The following EXTL3 variants were observed in gnomAD, a reference collection of about 807,000 sequenced individuals.
The protein encoded by EXTL3 is exostosin-like 3.
In EXTL3, 27 loss-of-function variants were observed where a neutral mutation model predicts 69.3. The observed-to-expected ratio is 0.39, with a 90% CI of 0.29 to 0.54. The LOEUF is 0.54. Among genes scored for constraint, EXTL3 ranks in the 20% least tolerant of loss-of-function variants. The pLI, the probability that EXTL3 is intolerant of heterozygous loss-of-function variation, is 0.69. For synonymous variants in EXTL3, 511 were observed against 499.4 expected, an observed-to-expected ratio of 1.02 and a Z score of -0.31; for missense variants, 1,003 against 1,231.8, an observed-to-expected ratio of 0.81 and a Z score of 2.78.
intron 3 of EXTL3, among the ~76,000 whole-genome samples, chr8:28,719,007 A>C (rs1801231864): frequency 6.6e-6 from 1 of 152,186 alleles, no homozygotes; most frequent in Non-Finnish European, 1.5e-5. Flanking sequence ...ATCTCTCTTA[A>C]ATGTGCAGCC....
At chr8:28,669,587 C>G (rs1291905062) in intron 1 of EXTL3, among the ~76,000 whole-genome samples, 1 of 152,202 alleles carries the variant, frequency 6.6e-6, no homozygotes, top group Non-Finnish European at 1.5e-5. Flanking sequence ...GCAGAAAGCC[C>G]TGTCATTTTT....
chr8:28,712,177 A>G (rs927217014), intron 1 of EXTL3, among the ~76,000 whole-genome samples: 2 of 152,218 alleles, frequency 1.3e-5, no homozygotes, highest in Non-Finnish European at 1.5e-5. Context: ...GCCAGGCAGA[A>G]GCCTGGGGAA....
At position 28,718,583 on chromosome 8, in the gene EXTL3, T is replaced by TA. The variant is rs561100255; in HGVS notation, c.2148+377dup. Among the ~76,000 whole-genome samples the TA allele has an allele frequency of 1.1e-4, 16 of 152,358 alleles. No individual in the cohort carries two copies. In the South Asian group the frequency reaches 3.3e-3, roughly 32 times the overall value. On this transcript the variant is annotated intron_variant, in intron 3 of 6. Coordinates refer to ENST00000220562, the MANE Select transcript of EXTL3 (RefSeq NM_001440.4). Reference sequence around the variant, plus strand: ...GCACTATAATAAGCATTTTGTGACATATTATCGCTGTTTCTTCAGCTTATT... The same window carrying TA: ...GCACTATAATAAGCATTTTGTGACATAATTATCGCTGTTTCTTCAGCTTATT...
At chr8:28,704,016 A>C (rs1385297061) in intron 1 of EXTL3, among the ~76,000 whole-genome samples, 1 of 152,148 alleles carries the variant, frequency 6.6e-6, no homozygotes, top group African/African-American at 2.4e-5. Context: ...GCTCACCTGT[A>C]AGCTTCATCT....
At chr8:28,618,272 G>T (rs1322062542), upstream of EXTL3, among the ~76,000 whole-genome samples, 2 of 151,876 alleles carry the variant, frequency 1.3e-5, no homozygotes, top group African/African-American at 2.4e-5. Context: ...TTCAAGACCA[G>T]CCTGACCAAT....
chr8:28,656,758 C>T (rs1807017061), intron 1 of EXTL3, among the ~76,000 whole-genome samples: 1 of 152,182 alleles, frequency 6.6e-6, no homozygotes, highest in South Asian at 2.1e-4. Flanking sequence ...TGCCTAAAAC[C>T]TCCTCAAATA....
At chr8:28,706,394 A>G (rs1242871585) in intron 1 of EXTL3, among the ~76,000 whole-genome samples, 2 of 152,214 alleles carry the variant, frequency 1.3e-5, no homozygotes, top group Admixed American at 1.3e-4. Flanking sequence ...TTTAATCACT[A>G]TTTTAATGTT....
At chr8:28,662,890 G>C (rs1807138403) in intron 1 of EXTL3, among the ~76,000 whole-genome samples, 1 of 152,138 alleles carries the variant, frequency 6.6e-6, no homozygotes, top group Non-Finnish European at 1.5e-5. Flanking sequence ...CCAGTTGTTT[G>C]AGGCTGCAGT....
At chr8:28,618,903 T>C (rs1806363349), upstream of EXTL3, among the ~76,000 whole-genome samples, 1 of 149,368 alleles carries the variant, frequency 6.7e-6, no homozygotes, top group Non-Finnish European at 1.5e-5. Context: ...GCTAACACGA[T>C]GAAACCCCAT....
chr8:28,670,240 C>T (rs1169456238), intron 1 of EXTL3, among the ~76,000 whole-genome samples: 2 of 124,874 alleles, frequency 1.6e-5, no homozygotes, highest in Non-Finnish European at 3.5e-5. Context: ...AGATGGGGGA[C>T]TTTGAGACAG....
intron 1 of EXTL3, among the ~76,000 whole-genome samples, chr8:28,628,981 T>C (rs1034877333): frequency 1.3e-5 from 2 of 152,214 alleles, no homozygotes; most frequent in Admixed American, 6.5e-5. Flanking sequence ...GCTGGATTCC[T>C]GGAGGAAAAA....
chr8:28,740,346 C>T (rs1463774421), intron 5 of EXTL3: 1 of 152,216 alleles, frequency 6.6e-6, no homozygotes, highest in Non-Finnish European at 1.5e-5. Context: ...TGCAGTGGCA[C>T]CATCTCGGCT....
At chr8:28,660,851 T>C (rs1807099182) in intron 1 of EXTL3, among the ~76,000 whole-genome samples, 1 of 144,956 alleles carries the variant, frequency 6.9e-6, no homozygotes, top group Admixed American at 7.0e-5. Flanking sequence ...TTTTTTTTTT[T>C]TTTTTTTTTT....
intron 6 of EXTL3, among the ~76,000 whole-genome samples, chr8:28,748,641 A>G (rs1371790171): frequency 6.6e-6 from 1 of 152,178 alleles, no homozygotes; most frequent in Non-Finnish European, 1.5e-5. Context: ...AGGAGTGTAG[A>G]GCCTGTTAAG....
At chr8:28,688,787 A>AAAAGTTATTCTCAAGTTTAACTC (rs1251719635) in intron 1 of EXTL3, among the ~76,000 whole-genome samples, 2 of 152,238 alleles carry the variant, frequency 1.3e-5, no homozygotes, top group Admixed American at 6.5e-5. Flanking sequence ...AGAATAACTG[A>AAAAGTTATTCTCAAGTTTAACTC]TCAAGCAAGA....
intron 1 of EXTL3, among the ~76,000 whole-genome samples, chr8:28,656,479 T>A (rs240914): frequency 0.21 from 31,382 of 152,190 alleles, 3,985 homozygotes; most frequent in Non-Finnish European, 0.28. Context: ...ACTATTTTTT[T>A]AATTTTATCC....
chr8:28,640,893 C>T (rs569318942), intron 1 of EXTL3, among the ~76,000 whole-genome samples: 2 of 152,222 alleles, frequency 1.3e-5, no homozygotes, highest in Non-Finnish European at 2.9e-5. Flanking sequence ...TGAGCCACTA[C>T]GCCCAGCTGT....
At chr8:28,712,345 C>T (rs578105763) in intron 1 of EXTL3, among the ~76,000 whole-genome samples, 4 of 152,140 alleles carry the variant, frequency 2.6e-5, no homozygotes, top group South Asian at 4.2e-4. Context: ...CAGTGGGCAG[C>T]CTTGAAAATA....
chr8:28,634,854 C>T (rs987156377), intron 1 of EXTL3, among the ~76,000 whole-genome samples: 2 of 152,156 alleles, frequency 1.3e-5, no homozygotes, highest in African/African-American at 4.8e-5. Flanking sequence ...TTCGGCCTCC[C>T]ATAGTGCTGA....
Sources: gnomAD v4.1 joint callset for allele counts (sites outside exome capture counted in the v4.1 genomes callset) on GRCh38, gnomAD v4.1.1 for gene constraint, MANE v1.5 for transcripts, NCBI Gene and HGNC (gene_info 2026-07-23, HGNC 2026-07-21) for gene names.